TENT4B: variants seen among roughly 807,000 people sequenced by gnomAD.
TENT4B encodes terminal nucleotidyltransferase 4B.
TENT4B carries 10 observed loss-of-function variants against 75.0 expected under a neutral mutation model. The observed-to-expected ratio is 0.13, with a 90% CI of 0.08 to 0.23. TENT4B has a LOEUF of 0.23. Ranked by LOEUF, TENT4B falls within the 10% of genes least tolerant of loss-of-function variation. The pLI is 1.00. For synonymous variants in TENT4B, 350 were observed against 357.7 expected (o/e 0.98, Z 0.24); for missense variants, 579 against 893.8 (o/e 0.65, Z 4.49).
intron 1 of TENT4B, among the ~76,000 whole-genome samples, chr16:50,182,853 C>T (rs2038441652): frequency 7.4e-6 from 1 of 135,406 alleles, no homozygotes; most frequent in Non-Finnish European, 1.5e-5. Context: ...AAACTTTTAA[C>T]ACTCAAGGTC....
chr16:50,225,624 CT>C (rs1326857230), intron 10 of TENT4B, among the ~76,000 whole-genome samples: 3 of 152,036 alleles, frequency 2.0e-5, no homozygotes, highest in Admixed American at 2.0e-4. Flanking sequence ...ATCAGTTCCC[CT>C]AGAGTACTGT....
In TENT4B at chr16:50,230,347, G is replaced by C; in HGVS notation, c.*1019G>C. ...ACCCATGTCTGGTCTCATTCCTGTT[G>C]CAGTGAAACTTCGAGTTCCACAGAC... On this transcript the variant is annotated 3_prime_UTR_variant, in exon 12 of 12. Coordinates refer to ENST00000561678, the MANE Select transcript of TENT4B (RefSeq NM_001365324.3). 1 of 977,384 alleles carries C rather than the reference G, an allele frequency of 1.0e-6. No homozygotes were observed. Among genetic ancestry groups the C allele is most frequent in the Non-Finnish European group, 1.2e-6 (1 of 828,368 alleles). The allele number at this position is 977,384 out of a possible 1,614,324, so 60.5% of individuals were successfully genotyped here.
chr16:50,171,358 G>A (rs1395410393), intron 1 of TENT4B, among the ~76,000 whole-genome samples: 2 of 152,126 alleles, frequency 1.3e-5, no homozygotes, highest in African/African-American at 4.8e-5. Flanking sequence ...CTGTGATCAT[G>A]CCACTGCACA....
chr16:50,214,426 AG>A (rs1341345882), intron 3 of TENT4B, among the ~76,000 whole-genome samples, 159 bp downstream of exon 3: 2 of 152,190 alleles, frequency 1.3e-5, no homozygotes, highest in East Asian at 3.9e-4. Context: ...GAGGCCAAGG[AG>A]GGTGGATCAT....
chr16:50,158,168 C>A (rs1230577622), intron 1 of TENT4B, among the ~76,000 whole-genome samples: 1 of 152,132 alleles, frequency 6.6e-6, no homozygotes, highest in East Asian at 1.9e-4. Flanking sequence ...CCCACTGCAA[C>A]CTCCGTCTCC....
intron 5 of TENT4B, among the ~76,000 whole-genome samples, chr16:50,220,614 C>T (rs999652966): frequency 2.6e-5 from 4 of 152,080 alleles, no homozygotes; most frequent in African/African-American, 7.2e-5. Flanking sequence ...TTGTACCCTC[C>T]GCCTCCTGAG....
At chr16:50,205,881 G>C (rs907155288) in intron 1 of TENT4B, among the ~76,000 whole-genome samples, 28 of 152,104 alleles carry the variant, frequency 1.8e-4, no homozygotes, top group African/African-American at 6.8e-4. Context: ...GTGAGCCACT[G>C]CTTCTGCCCC....
In TENT4B at chr16:50,217,542, T is replaced by G. The variant is rs200414243; in HGVS notation, c.931-14T>G. 3.7e-6 allele frequency: 5 copies of G among 1,351,598 alleles called. No homozygotes were observed. Among genetic ancestry groups the G allele is most frequent in the Non-Finnish European group, 2.0e-6 (2 of 996,618 alleles). The allele number at this position is 1,351,598 out of a possible 1,614,324, so 83.7% of individuals were successfully genotyped here. On this transcript the variant is annotated splice_polypyrimidine_tract_variant and intron_variant, in intron 4 of 11. Coordinates refer to ENST00000561678, the MANE Select transcript of TENT4B (RefSeq NM_001365324.3). ...GGTTAAAGCATTTACATTTTACCTTTCTTCTCTTTATAGGTACCTATTATT... is the reference window on the plus strand; with the variant it reads ...GGTTAAAGCATTTACATTTTACCTTGCTTCTCTTTATAGGTACCTATTATT...
At chr16:50,175,064 T>A (rs1231990390) in intron 1 of TENT4B, among the ~76,000 whole-genome samples, 1 of 152,152 alleles carries the variant, frequency 6.6e-6, no homozygotes, top group Non-Finnish European at 1.5e-5. Flanking sequence ...TCTTAGCCTC[T>A]GGTATCTATC....
chr16:50,164,232 G>A (rs1394061528), intron 1 of TENT4B, among the ~76,000 whole-genome samples: 2 of 152,150 alleles, frequency 1.3e-5, no homozygotes, highest in African/African-American at 4.8e-5. Context: ...TGAACTTGTG[G>A]TCTCAAGCAG....
intron 1 of TENT4B, 92 bp downstream of exon 1, chr16:50,154,351 C>G (rs1434686713): frequency 7.4e-7 from 1 of 1,350,362 alleles, no homozygotes; most frequent in Non-Finnish European, 9.5e-7. Context: ...GGTCTAGGAG[C>G]GGCCACCCCC....
At chr16:50,212,414 A>G (rs991330820) in intron 2 of TENT4B, among the ~76,000 whole-genome samples, 1 of 152,208 alleles carries the variant, frequency 6.6e-6, no homozygotes, top group Non-Finnish European at 1.5e-5. Context: ...GGCCTGTTCT[A>G]CAATTTTGTG....
In TENT4B at chr16:50,165,522, A is replaced by G. The variant is rs149165172; in HGVS notation, c.638+11263A>G. On this transcript the variant is annotated intron_variant, in intron 1 of 11. Coordinates refer to ENST00000561678, the MANE Select transcript of TENT4B (RefSeq NM_001365324.3). The stretch of plus-strand genomic sequence containing the variant: ...ATTAGAAGGTTGTACAACCATCGCA[A>G]CTAATTCCAGAACATTTTCATCACC... Among the ~76,000 whole-genome samples, 693 of 152,232 alleles carry G rather than the reference A, an allele frequency of 4.6e-3. 6 individuals are homozygous for G. Among genetic ancestry groups the G allele is most frequent in the African/African-American group, 0.016 (664 of 41,512 alleles).
chr16:50,154,071 A>C lies in TENT4B; in HGVS notation c.450A>C (p.Pro150=), dbSNP rs955738322. Residue 150 remains proline, a synonymous_variant, in exon 1 of 12, where the codon CCA becomes CCC. Coordinates refer to ENST00000561678, the MANE Select transcript of TENT4B (RefSeq NM_001365324.3). ...CGGCCGCCGTCCCCGCCGCCGATCC[A>C]GCCGATTCGGCCTCGGGCAGCAGCA... ...HPSAAVPAAD[P]ADSASGSSNK... 5.2e-6 allele frequency: 8 copies of C among 1,532,204 alleles called. No individual in the cohort carries two copies. In the South Asian group the frequency reaches 7.2e-5, roughly 14 times the overall value. The allele number at this position is 1,532,204 out of a possible 1,614,324, so 94.9% of individuals were successfully genotyped here. A position where few individuals can be genotyped will look rare whatever the true frequency, so the allele number is the denominator to read the frequency against.
At position 50,223,500 on chromosome 16, in the gene TENT4B, T is replaced by C. The variant is rs1024319973; in HGVS notation, c.1381+113T>C. 2.1e-5 allele frequency: 15 copies of C among 707,802 alleles called. No individual in the cohort carries two copies. The African/African-American group carries it at 2.3e-4, about 11-fold the overall frequency. 43.8% of individuals were successfully genotyped at this position (707,802 alleles called of 1,614,324 possible). Reference sequence around the variant, plus strand: ...ATGAAGGAACAACTTCTAATTGTTATTCTTTTTTCATCGAAATATTTCATG... The same window carrying C: ...ATGAAGGAACAACTTCTAATTGTTACTCTTTTTTCATCGAAATATTTCATG... On this transcript the variant is annotated intron_variant, in intron 7 of 11. Coordinates refer to ENST00000561678, the MANE Select transcript of TENT4B (RefSeq NM_001365324.3).
At chr16:50,170,449 C>T (rs2038184241) in intron 1 of TENT4B, among the ~76,000 whole-genome samples, 1 of 152,092 alleles carries the variant, frequency 6.6e-6, no homozygotes, top group Non-Finnish European at 1.5e-5. Context: ...CCAAGATATC[C>T]CCCAATCAAA....
Position 50,225,105 on chromosome 16 carries a change from T to C in TENT4B, c.1620T>C (p.Gly540=). The part of the protein sequence containing the change: ...NRPEPSCNGN[G]VTLIVDTQQL... Reference sequence around the variant, plus strand: ...CTTTTGCCACTCTTTCAGGAAATGGTGTTACCTTGATAGTAGATACTCAGC... The same window carrying C: ...CTTTTGCCACTCTTTCAGGAAATGGCGTTACCTTGATAGTAGATACTCAGC... The change falls in exon 10 of 12, where the codon GGT becomes GGC. Residue 540 remains glycine, a synonymous_variant. Coordinates refer to ENST00000561678, the MANE Select transcript of TENT4B (RefSeq NM_001365324.3). 1.2e-6 allele frequency: 2 copies of C among 1,612,002 alleles called. No individual in the cohort carries two copies. The highest frequency in any genetic ancestry group is 2.2e-5 in the South Asian group (2 of 90,960).
chr16:50,227,640 A>G (rs909279839), intron 10 of TENT4B, among the ~76,000 whole-genome samples, 199 bp from the exon 11 acceptor site: 4 of 151,902 alleles, frequency 2.6e-5, no homozygotes, highest in African/African-American at 9.6e-5. Flanking sequence ...CAATGAACAG[A>G]AGCTCTCTGA....
chr16:50,205,580 TTTTTTTTTTTTTTTTTTTTTTTTTTTTTG>T (rs2030912727), intron 1 of TENT4B, among the ~76,000 whole-genome samples: 3 of 83,458 alleles, frequency 3.6e-5, no homozygotes, highest in Admixed American at 1.3e-4. Flanking sequence ...TTTTTTTTTT[TTTTTTTTTTTTTTTTTTTTTTTTTTTTTG>T]AGACAGAGTC....
Sources: gnomAD v4.1 joint callset for allele counts (sites outside exome capture counted in the v4.1 genomes callset) on GRCh38, gnomAD v4.1.1 for gene constraint, MANE v1.5 for transcripts, NCBI Gene and HGNC (gene_info 2026-07-23, HGNC 2026-07-21) for gene names.